MRS2: variants seen among roughly 807,000 people sequenced by gnomAD.
The protein encoded by MRS2 is magnesium transporter MRS2 homolog, mitochondrial.
MRS2 carries 40 observed loss-of-function variants against 52.6 expected under a neutral mutation model. That is an observed-to-expected ratio of 0.76 (90% CI 0.59 to 0.99). MRS2 has a LOEUF of 0.99. MRS2 is among the 50% of genes least tolerant of loss of function. The probability of loss-of-function intolerance (pLI) is 0.00; values close to 1 mark genes in which losing one functional copy is unlikely to be tolerated. For missense variants in MRS2, 472 were observed against 532.7 expected (o/e 0.89, Z 1.12); for synonymous variants, 193 against 195.9 (o/e 0.98, Z 0.13).
chr6:24,412,851 T>A (rs1761714720), intron 5 of MRS2, among the ~76,000 whole-genome samples: 5 of 152,154 alleles, frequency 3.3e-5, no homozygotes, highest in Admixed American at 3.3e-4. Flanking sequence ...CCCACAAATC[T>A]TTCATTATCT....
intron 9 of MRS2, 93 bp downstream of exon 9, chr6:24,418,671 G>A: frequency 6.4e-6 from 6 of 944,674 alleles, no homozygotes; most frequent in Non-Finnish European, 1.0e-5. Context: ...GGCTGAGGCA[G>A]GTGGATCACC....
chr6:24,420,176 A>G (rs1478395616), intron 9 of MRS2, among the ~76,000 whole-genome samples: 2 of 152,146 alleles, frequency 1.3e-5, no homozygotes, highest in East Asian at 3.9e-4. Flanking sequence ...TGTCCTTCCC[A>G]GACATGCTGC....
In MRS2 at chr6:24,412,359, T is replaced by C; in HGVS notation, c.552T>C (p.Phe184=). ...AACTCGTTACATACCCTTTACCTTTTGAGTTTAGAGCTATAGAAGCACTCC... is the reference window on the plus strand; with the variant it reads ...AACTCGTTACATACCCTTTACCTTTCGAGTTTAGAGCTATAGAAGCACTCC... The part of the protein sequence containing the change: ...EGQLVTYPLP[F]EFRAIEALLQ... Residue 184 remains phenylalanine, a synonymous_variant, in exon 5 of 11, where the codon TTT becomes TTC. Transcript: ENST00000378386. The C allele has an allele frequency of 6.3e-7, 1 of 1,595,436 alleles. No homozygotes were observed. The highest frequency in any genetic ancestry group is 8.5e-7 in the Non-Finnish European group (1 of 1,172,464).
chr6:24,403,304 C>G, intron 1 of MRS2, 68 bp downstream of exon 1: 2 of 1,409,370 alleles, frequency 1.4e-6, no homozygotes, highest in Non-Finnish European at 1.9e-6. Flanking sequence ...GCTGCCCCAG[C>G]CGTCCGGCGC....
intron 5 of MRS2, among the ~76,000 whole-genome samples, chr6:24,413,737 T>TA (rs1301751494): frequency 6.6e-6 from 1 of 152,150 alleles, no homozygotes; most frequent in African/African-American, 2.4e-5. Flanking sequence ...TGTTTCCAAA[T>TA]AAAAAAATCT....
intron 4 of MRS2, among the ~76,000 whole-genome samples, chr6:24,411,477 T>G (rs1239959715): frequency 6.6e-6 from 1 of 152,238 alleles, no homozygotes; most frequent in Admixed American, 6.5e-5. Flanking sequence ...AAATCTTTTC[T>G]AAAAGTCTGC....
In MRS2 at chr6:24,408,420, A is replaced by G; in HGVS notation, c.277A>G (p.Lys93Glu). 6.3e-7 allele frequency: 1 copy of G among 1,587,354 alleles called. No homozygotes were observed. The highest frequency in any genetic ancestry group is 1.1e-5 in the South Asian group (1 of 90,070). ...APVFTVTKFD[K>E]QGNVTSFERK... ...TCTCTATTTTCAGACAAAATTTGAC[A>G]AACAGGGAAACGTTACTTCTTTTGG... Residue 93 changes from lysine (K) to glutamate (E), a missense_variant, in exon 3 of 11, where the codon AAA becomes GAA. Physicochemically the swap from Lys to Glu is moderately conservative, Grantham distance 56. Coordinates refer to ENST00000378386, the MANE Select transcript of MRS2 (RefSeq NM_020662.4).
chr6:24,419,467 AC>A (rs1457120182), intron 9 of MRS2, among the ~76,000 whole-genome samples: 1 of 152,216 alleles, frequency 6.6e-6, no homozygotes, highest in African/African-American at 2.4e-5. Flanking sequence ...TTTAATTCTT[AC>A]ATGTCTGGCA....
intron 1 of MRS2, 72 bp from the exon 2 acceptor site, chr6:24,405,096 T>C: frequency 9.3e-7 from 1 of 1,073,008 alleles, no homozygotes; most frequent in Non-Finnish European, 1.4e-6. Context: ...CCACATACTT[T>C]GAGAGTTGTA....
chr6:24,403,566 A>G (rs1057062392), intron 1 of MRS2, among the ~76,000 whole-genome samples: 2 of 152,180 alleles, frequency 1.3e-5, no homozygotes, highest in African/African-American at 4.8e-5. Context: ...ACACCCGCTT[A>G]AGTGCTCTTG....
chr6:24,413,394 A>G (rs1261484803), intron 5 of MRS2, among the ~76,000 whole-genome samples: 2 of 152,092 alleles, frequency 1.3e-5, no homozygotes, highest in Non-Finnish European at 2.9e-5. Flanking sequence ...TCCTTACGAA[A>G]CAACACTACA....
chr6:24,426,130 A>G lies in MRS2; in HGVS notation c.*2436A>G, dbSNP rs1327765683. 5 of 152,264 alleles carry G rather than the reference A, an allele frequency of 3.3e-5. No individual in the cohort carries two copies. The highest frequency in any genetic ancestry group is 5.9e-5 in the Non-Finnish European group (4 of 68,044). 9.4% of individuals were successfully genotyped at this position (152,264 alleles called of 1,614,324 possible). On this transcript the variant is annotated 3_prime_UTR_variant, in exon 11 of 11. Coordinates refer to ENST00000378386, the MANE Select transcript of MRS2 (RefSeq NM_020662.4). ...ACATATACGCAGATAGTAGCAAGAC[A>G]GAAAATGCAAATATGTAAATGTCTT...
chr6:24,406,676 G>T (rs989127370), intron 2 of MRS2, among the ~76,000 whole-genome samples: 1 of 152,200 alleles, frequency 6.6e-6, no homozygotes, highest in African/African-American at 2.4e-5. Flanking sequence ...TCAGGAGGCT[G>T]AGGCAGGAGA....
Position 24,418,582 on chromosome 6 carries a change from A to T in MRS2, c.1107+4A>T. On this transcript the variant is annotated splice_donor_region_variant and intron_variant, in intron 9 of 10. Transcript: ENST00000378386. ...TTTGGAATCTTCCCTTGAAGAGGTGAGAATGTATTATTATTTCTAAAACTT... is the reference window on the plus strand; with the variant it reads ...TTTGGAATCTTCCCTTGAAGAGGTGTGAATGTATTATTATTTCTAAAACTT... 1 of 1,598,322 alleles carries T rather than the reference A, an allele frequency of 6.3e-7. No individual in the cohort carries two copies. Among genetic ancestry groups the T allele is most frequent in the Non-Finnish European group, 8.6e-7 (1 of 1,165,924 alleles).
chr6:24,412,728 G>A (rs1761709139), intron 5 of MRS2, among the ~76,000 whole-genome samples: 1 of 152,112 alleles, frequency 6.6e-6, no homozygotes, highest in Admixed American at 6.5e-5. Flanking sequence ...GACCTAGATT[G>A]ACATAGGAAT....
At chr6:24,422,197 A>G (rs1300467193) in intron 9 of MRS2, among the ~76,000 whole-genome samples, 1 of 152,202 alleles carries the variant, frequency 6.6e-6, no homozygotes, top group East Asian at 1.9e-4. Flanking sequence ...AGTGACATGC[A>G]TTTCCATCAG....
rs1489988150 is a variant in MRS2 at position 24,425,950 on chromosome 6, T to C, written c.*2256T>C. The C allele has an allele frequency of 6.6e-6, 1 of 152,212 alleles. No individual in the cohort carries two copies. The highest frequency in any genetic ancestry group is 6.5e-5 in the Admixed American group (1 of 15,278). The allele number at this position is 152,212 out of a possible 1,614,324, so 9.4% of individuals were successfully genotyped here. On this transcript the variant is annotated 3_prime_UTR_variant, in exon 11 of 11. Transcript: ENST00000378386. ...GATTTAACTCTCATGACTTTAGTAA[T>C]ACCTACAGAGGTGAGCTAATGGATG...
chr6:24,411,188 C>T lies in MRS2; in HGVS notation c.415-1034C>T, dbSNP rs576671385. ...CTGGGTGACAGAGCAAGACTTCCATCTCAAAAAAAAAAAAGAAAAAAAAAT... is the reference window on the plus strand; with the variant it reads ...CTGGGTGACAGAGCAAGACTTCCATTTCAAAAAAAAAAAAGAAAAAAAAAT... On this transcript the variant is annotated intron_variant, in intron 4 of 10. Transcript: ENST00000378386. 3.8e-3 allele frequency among the ~76,000 whole-genome samples: 532 copies of T among 139,444 alleles called. 5 individuals are homozygous for T. The highest frequency in any genetic ancestry group is 0.013 in the African/African-American group (505 of 38,738). 91.5% of individuals were successfully genotyped at this position (139,444 alleles called of 152,430 possible).
intron 4 of MRS2, among the ~76,000 whole-genome samples, chr6:24,409,987 A>T (rs569270022): frequency 6.6e-6 from 1 of 151,892 alleles, no homozygotes; most frequent in Non-Finnish European, 1.5e-5. Context: ...ATTAAATTTT[A>T]TAGCCTTAAT....
Sources: gnomAD v4.1 joint callset for allele counts (sites outside exome capture counted in the v4.1 genomes callset) on GRCh38, gnomAD v4.1.1 for gene constraint, MANE v1.5 for transcripts, NCBI Gene and HGNC (gene_info 2026-07-23, HGNC 2026-07-21) for gene names.